CLSTN2: variants seen among roughly 807,000 people sequenced by gnomAD.
CLSTN2 encodes calsyntenin-2.
CLSTN2 carries 48 observed loss-of-function variants against 101.2 expected under a neutral mutation model. That is an observed-to-expected ratio of 0.47 (90% CI 0.38 to 0.60). The LOEUF is 0.60. Ranked by LOEUF, CLSTN2 falls within the 20% of genes least tolerant of loss-of-function variation. CLSTN2 has a pLI of 0.00. For missense variants in CLSTN2, 1,160 were observed against 1,238.2 expected (o/e 0.94, Z 0.95); for synonymous variants, 481 against 463.6 (o/e 1.04, Z -0.48).
chr3:140,339,577 G>A (rs1257149821), intron 2 of CLSTN2, among the ~76,000 whole-genome samples: 1 of 152,098 alleles, frequency 6.6e-6, no homozygotes, highest in Non-Finnish European at 1.5e-5. Flanking sequence ...AGATCCCTGG[G>A]GCTGAGAACC....
intron 10 of CLSTN2, among the ~76,000 whole-genome samples, chr3:140,552,450 T>C (rs574745442): frequency 9.2e-5 from 14 of 151,666 alleles, no homozygotes; most frequent in African/African-American, 1.7e-4. Context: ...GGAGGTTTTA[T>C]TGACCCTGCA....
intron 1 of CLSTN2, among the ~76,000 whole-genome samples, chr3:140,111,009 A>G (rs2107794573): frequency 6.6e-6 from 1 of 152,242 alleles, no homozygotes; most frequent in South Asian, 2.1e-4. Flanking sequence ...TGGGCTCTTC[A>G]ACCCCATTCT....
At chr3:140,081,519 G>A (rs942697721) in intron 1 of CLSTN2, among the ~76,000 whole-genome samples, 14 of 152,086 alleles carry the variant, frequency 9.2e-5, no homozygotes, top group African/African-American at 2.7e-4. Flanking sequence ...TATTTAGTAC[G>A]GAATCAGGAG....
In CLSTN2 at chr3:140,171,814, T is replaced by A. The variant is rs13074041; in HGVS notation, c.110-4137T>A. 4.0e-5 allele frequency among the ~76,000 whole-genome samples: 4 copies of A among 99,454 alleles called. No individual in the cohort carries two copies. The East Asian group carries it at 9.0e-4, about 22-fold the overall frequency. 65.2% of individuals were successfully genotyped at this position (99,454 alleles called of 152,430 possible). Reference sequence around the variant, plus strand: ...ATAATATATAATATGTATTATATATTATATATTATATATAATAACAATATA... The same window carrying A: ...ATAATATATAATATGTATTATATATAATATATTATATATAATAACAATATA... On this transcript the variant is annotated intron_variant, in intron 1 of 16. Transcript: ENST00000458420.
intron 2 of CLSTN2, among the ~76,000 whole-genome samples, chr3:140,213,733 G>A (rs2010887003): frequency 6.6e-6 from 1 of 152,150 alleles, no homozygotes; most frequent in Admixed American, 6.5e-5. Context: ...TGGTTAGCGA[G>A]GAGGTTAGCA....
chr3:140,565,182 G>A (rs541364583), intron 16 of CLSTN2, among the ~76,000 whole-genome samples: 6 of 152,320 alleles, frequency 3.9e-5, no homozygotes, highest in South Asian at 4.1e-4. Flanking sequence ...ACCTTGTGAT[G>A]TCAAAAGTCA....
chr3:140,571,181 C>T lies in CLSTN2; in HGVS notation c.*4928C>T, dbSNP rs1272040998. On this transcript the variant is annotated 3_prime_UTR_variant, in exon 17 of 17. Transcript: ENST00000458420. Reference sequence around the variant, plus strand: ...CTCTGAGCAGGAGTGTTCATTATCTCAGACTGATTTTCATTTCAGCCCTAC... The same window carrying T: ...CTCTGAGCAGGAGTGTTCATTATCTTAGACTGATTTTCATTTCAGCCCTAC... The T allele has an allele frequency of 1.3e-5, 2 of 152,266 alleles. No individual in the cohort carries two copies. The highest frequency in any genetic ancestry group is 2.4e-5 in the African/African-American group (1 of 41,564). 9.4% of individuals were successfully genotyped at this position (152,266 alleles called of 1,614,324 possible). A position where few individuals can be genotyped will look rare whatever the true frequency, so the allele number is the denominator to read the frequency against.
intron 1 of CLSTN2, among the ~76,000 whole-genome samples, chr3:140,050,245 C>A (rs1203243994): frequency 6.6e-6 from 1 of 152,214 alleles, no homozygotes; most frequent in African/African-American, 2.4e-5. Flanking sequence ...TCAACGCCAT[C>A]TCTCCAAGCC....
At chr3:140,265,939 C>G (rs1170619757) in intron 2 of CLSTN2, among the ~76,000 whole-genome samples, 2 of 152,144 alleles carry the variant, frequency 1.3e-5, no homozygotes, top group Non-Finnish European at 2.9e-5. Flanking sequence ...GTTCTTGGAT[C>G]CCTCACTGCA....
At chr3:140,325,955 C>A (rs1964547) in intron 2 of CLSTN2, among the ~76,000 whole-genome samples, 71,424 of 151,572 alleles carry the variant, frequency 0.47, 17,900 homozygotes, top group Non-Finnish European at 0.58. Context: ...GCCTTACTAT[C>A]TAAATTAAAT....
chr3:140,456,457 A>T (rs1201686645), intron 6 of CLSTN2, among the ~76,000 whole-genome samples: 1 of 152,236 alleles, frequency 6.6e-6, no homozygotes, highest in Non-Finnish European at 1.5e-5. Flanking sequence ...TGTGCCCAGT[A>T]AGGGTTCATA....
chr3:140,263,898 T>C (rs2086674227), intron 2 of CLSTN2, among the ~76,000 whole-genome samples: 1 of 152,204 alleles, frequency 6.6e-6, no homozygotes, highest in African/African-American at 2.4e-5. Flanking sequence ...ATAAGTACCA[T>C]ATTTAATATT....
intron 14 of CLSTN2, 46 bp downstream of exon 14, chr3:140,563,002 C>G (rs759790837): frequency 1.9e-6 from 3 of 1,612,064 alleles, no homozygotes; most frequent in South Asian, 2.2e-5. Context: ...CTCACCCATT[C>G]CCTCATTCAT....
intron 1 of CLSTN2, among the ~76,000 whole-genome samples, chr3:140,098,455 T>A (rs188740803): frequency 6.6e-6 from 1 of 152,338 alleles, no homozygotes; most frequent in East Asian, 1.9e-4. Flanking sequence ...TCACCAGCTG[T>A]CACTGTTGAA....
chr3:140,424,686 A>G lies in CLSTN2; in HGVS notation c.787+3412A>G, dbSNP rs550815202. Among the ~76,000 whole-genome samples the G allele has an allele frequency of 5.9e-5, 9 of 152,308 alleles. No individual in the cohort carries two copies. In the South Asian group the frequency reaches 1.9e-3, roughly 32 times the overall value. The stretch of plus-strand genomic sequence containing the variant: ...TGCCCCTTACTGTGAGTGGGCATCA[A>G]ATGCCTTGGGGGAAAGGTTTGGCTT... On this transcript the variant is annotated intron_variant, in intron 5 of 16. Transcript: ENST00000458420.
chr3:140,209,358 AG>A (rs1287831959), intron 2 of CLSTN2, among the ~76,000 whole-genome samples: 1 of 152,184 alleles, frequency 6.6e-6, no homozygotes, highest in Non-Finnish European at 1.5e-5. Context: ...CTTTCAGGAC[AG>A]TGGGTTCTCT....
chr3:139,967,489 T>A (rs889042459), intron 1 of CLSTN2, among the ~76,000 whole-genome samples: 2 of 152,164 alleles, frequency 1.3e-5, no homozygotes, highest in African/African-American at 4.8e-5. Context: ...GGAATGGTCA[T>A]GGCTGTCACC....
rs192769240 is a variant in CLSTN2 at position 140,381,570 on chromosome 3, T to C, written c.233-22059T>C. On this transcript the variant is annotated intron_variant, in intron 2 of 16. Transcript: ENST00000458420. ...AGCTCATAGCATGATACTTGACTTA[T>C]CATAAATGTGAGTTCTCATTGTTCC... 2.4e-3 allele frequency among the ~76,000 whole-genome samples: 371 copies of C among 152,324 alleles called. 2 individuals are homozygous for C. Among genetic ancestry groups the C allele is most frequent in the African/African-American group, 8.6e-3 (357 of 41,570 alleles).
intron 2 of CLSTN2, among the ~76,000 whole-genome samples, chr3:140,325,641 C>A (rs1296634823): frequency 6.6e-6 from 1 of 152,166 alleles, no homozygotes; most frequent in South Asian, 2.1e-4. Flanking sequence ...TTATACTGGT[C>A]CAAGCAAGCA....
Sources: allele counts gnomAD v4.1 joint callset (sites outside exome capture counted in the v4.1 genomes callset), GRCh38; gene constraint gnomAD v4.1.1; transcripts MANE v1.5; gene names NCBI Gene and HGNC (gene_info 2026-07-23, HGNC 2026-07-21).